The following SYTL3 variants were observed in gnomAD, a reference collection of about 807,000 sequenced individuals.
The protein encoded by SYTL3 is synaptotagmin-like protein 3.
SYTL3 carries 88 observed loss-of-function variants against 82.1 expected under a neutral mutation model. The ratio of observed to expected loss-of-function variants is 1.07; its 90% confidence interval spans 0.90 to 1.28. SYTL3 has a LOEUF of 1.28. Ranked by LOEUF, SYTL3 falls within the 50% of genes most tolerant of loss-of-function variation. SYTL3 has a pLI of 0.00. For missense variants in SYTL3, 831 were observed against 757.6 expected (o/e 1.10, Z -1.14); for synonymous variants, 311 against 289.4 (o/e 1.07, Z -0.76).
intron 17 of SYTL3, among the ~76,000 whole-genome samples, chr6:158,763,792 C>A (rs752341777): frequency 6.6e-6 from 1 of 152,196 alleles, no homozygotes. Flanking sequence ...TGGCGTCAAT[C>A]ATAAAAGGAT....
chr6:158,724,062 AGAGGCCTGCGTGCT>A (rs945602859), intron 10 of SYTL3, among the ~76,000 whole-genome samples: 1 of 152,200 alleles, frequency 6.6e-6, no homozygotes, highest in Non-Finnish European at 1.5e-5. Context: ...ACCATCCCCC[AGAGGCCTGCGTGCT>A]GGAGAAACTG....
intron 1 of SYTL3, among the ~76,000 whole-genome samples, chr6:158,650,664 TG>T (rs1787879001): frequency 6.6e-6 from 1 of 151,980 alleles, no homozygotes; most frequent in South Asian, 2.1e-4. Flanking sequence ...AGAATTGGGC[TG>T]GGTGCGGTGG....
chr6:158,658,642 CG>C (rs1345144930), intron 2 of SYTL3, among the ~76,000 whole-genome samples: 1 of 151,956 alleles, frequency 6.6e-6, no homozygotes, highest in Non-Finnish European at 1.5e-5. Flanking sequence ...AAGAGTACGT[CG>C]GCCAGGCGCG....
At position 158,727,689 on chromosome 6, in the gene SYTL3, C is replaced by CTTTTTTTTT. The variant is rs55657606; in HGVS notation, c.855+2056_855+2064dup. On this transcript the variant is annotated intron_variant, in intron 11 of 17. Transcript: ENST00000611299. The stretch of plus-strand genomic sequence containing the variant: ...CATGTGCGTGTCTCATCCAAGTACT[C>CTTTTTTTTT]TTTTTTTTTTTTGAGATGAAGTCTC... 3.1e-4 allele frequency among the ~76,000 whole-genome samples: 33 copies of CTTTTTTTTT among 106,726 alleles called. 3 individuals carry two copies. The highest frequency in any genetic ancestry group is 4.6e-4 in the Admixed American group (5 of 10,924). The allele number at this position is 106,726 out of a possible 152,430, so 70.0% of individuals were successfully genotyped here.
intron 6 of SYTL3, among the ~76,000 whole-genome samples, chr6:158,705,698 G>A (rs1782006073): frequency 6.6e-6 from 1 of 151,344 alleles, no homozygotes; most frequent in African/African-American, 2.4e-5. Context: ...AGGGCTGTAA[G>A]GTCACATAGA....
At chr6:158,659,634 C>A (rs1354974417) in intron 2 of SYTL3, among the ~76,000 whole-genome samples, 1 of 152,202 alleles carries the variant, frequency 6.6e-6, no homozygotes. Flanking sequence ...GGATTACAAG[C>A]GTGAGCCACT....
rs76315774 is a variant in SYTL3 at position 158,694,924 on chromosome 6, T to A, written c.394+11935T>A. Among the ~76,000 whole-genome samples the A allele has an allele frequency of 6.5e-3, 990 of 152,262 alleles. 12 individuals are homozygous for A. Among genetic ancestry groups the A allele is most frequent in the African/African-American group, 0.022 (925 of 41,544 alleles). On this transcript the variant is annotated intron_variant, in intron 6 of 17. Transcript: ENST00000611299. ...TCCACTACTTACTTGCTTCATTGGG[T>A]TTTGATTCACTGTTTTTGGAATGGA...
intron 6 of SYTL3, among the ~76,000 whole-genome samples, chr6:158,694,674 C>T (rs1176736870): frequency 6.6e-6 from 1 of 152,150 alleles, no homozygotes; most frequent in Non-Finnish European, 1.5e-5. Context: ...ATTAGAAGGT[C>T]CAAGTCACTT....
At chr6:158,725,131 ACT>A (rs1227163033) in intron 10 of SYTL3, among the ~76,000 whole-genome samples, 1 of 152,198 alleles carries the variant, frequency 6.6e-6, no homozygotes, top group Non-Finnish European at 1.5e-5. Context: ...TAGAGCTAAA[ACT>A]CTGCTTATCA....
At chr6:158,694,454 C>G (rs976828909) in intron 6 of SYTL3, among the ~76,000 whole-genome samples, 1 of 151,866 alleles carries the variant, frequency 6.6e-6, no homozygotes, top group Non-Finnish European at 1.5e-5. Context: ...ACCACCACGC[C>G]CAGTTAGTTT....
Position 158,713,805 on chromosome 6 carries a change from G to A in SYTL3, c.522G>A (p.Gln174=). ...TCCTTCTGTCTCTGTTTTAGTTACA[G>A]GAATTTGGTCAGTTTAGAGGATTTA... ...SQCSRSPGRL[Q]EFGQFRGFNK... The change falls in exon 9 of 18, where the codon CAG becomes CAA. Residue 174 remains glutamine (Q), a synonymous_variant. Transcript: ENST00000611299. 6.5e-7 allele frequency: 1 copy of A among 1,547,176 alleles called. No individual in the cohort carries two copies. The highest frequency in any genetic ancestry group is 8.7e-7 in the Non-Finnish European group (1 of 1,143,444).
chr6:158,705,965 T>C (rs1042911849), intron 6 of SYTL3, among the ~76,000 whole-genome samples: 5 of 152,116 alleles, frequency 3.3e-5, no homozygotes, highest in African/African-American at 1.2e-4. Context: ...AGTCAGGCTG[T>C]TTTTTGCTTG....
chr6:158,663,490 G>A, intron 4 of SYTL3, 112 bp downstream of exon 4: 1 of 1,498,672 alleles, frequency 6.7e-7, no homozygotes. Context: ...CCTGCTGCTG[G>A]GCTTCGTGCC....
Position 158,713,895 on chromosome 6 carries a change from T to C in SYTL3, c.595+17T>C. 3.9e-6 allele frequency: 6 copies of C among 1,539,586 alleles called. No individual in the cohort carries two copies. The highest frequency in any genetic ancestry group is 1.7e-4 in the Middle Eastern group (1 of 5,982). ...ACGTGAAAAGTAAGTGCATGCTTCA[T>C]GATGTGTTTTCCCACTACCTTCCAG... On this transcript the variant is annotated intron_variant, in intron 9 of 17. Coordinates refer to ENST00000611299, the MANE Select transcript of SYTL3 (RefSeq NM_001242394.2).
At chr6:158,739,697 C>G (rs1490248063) in intron 11 of SYTL3, among the ~76,000 whole-genome samples, 2 of 152,120 alleles carry the variant, frequency 1.3e-5, no homozygotes, top group African/African-American at 4.8e-5. Flanking sequence ...TTGGGCTTAG[C>G]AGGAGCACCC....
At chr6:158,708,905 AG>A (rs934021066) in intron 8 of SYTL3, among the ~76,000 whole-genome samples, 3 of 152,124 alleles carry the variant, frequency 2.0e-5, no homozygotes, top group Admixed American at 6.6e-5. Context: ...ACTTATGATG[AG>A]GTTATGTCCC....
intron 2 of SYTL3, among the ~76,000 whole-genome samples, chr6:158,659,545 G>A (rs373180116): frequency 6.6e-6 from 1 of 152,148 alleles, no homozygotes; most frequent in East Asian, 1.9e-4. Context: ...AGTAGAGACA[G>A]GGTTTCACCA....
At position 158,752,007 on chromosome 6, in the gene SYTL3, C is replaced by T; in HGVS notation, c.1114C>T (p.Pro372Ser). 1.2e-6 allele frequency: 2 copies of T among 1,600,150 alleles called. No individual in the cohort carries two copies. The highest frequency in any genetic ancestry group is 1.7e-4 in the Middle Eastern group (1 of 6,030). The change falls in exon 13 of 18, where the codon CCG becomes TCG. Residue 372 changes from proline to serine, a missense_variant. Physicochemically the swap from Pro to Ser is moderately conservative, Grantham distance 74. Coordinates refer to ENST00000611299, the MANE Select transcript of SYTL3 (RefSeq NM_001242394.2). Reference sequence around the variant, plus strand: ...TGGAGTCCAAAGGAACACCGTGGACCCGACCTTTCAGGAGACCTTGAAGGT... The same window carrying T: ...TGGAGTCCAAAGGAACACCGTGGACTCGACCTTTCAGGAGACCTTGAAGGT... ...KTGVQRNTVD[P>S]TFQETLKYQV... is the part of the protein sequence containing the mutation.
intron 9 of SYTL3, among the ~76,000 whole-genome samples, chr6:158,717,515 TC>T (rs1783566686): frequency 6.6e-6 from 1 of 152,144 alleles, no homozygotes; most frequent in Non-Finnish European, 1.5e-5. Flanking sequence ...GTATGTGGCT[TC>T]CTTCCTTCAA....
Sources: allele counts gnomAD v4.1 joint callset (sites outside exome capture counted in the v4.1 genomes callset), GRCh38; gene constraint gnomAD v4.1.1; transcripts MANE v1.5; gene names NCBI Gene and HGNC (gene_info 2026-07-23, HGNC 2026-07-21).